ASIC2: variants seen among roughly 807,000 people sequenced by gnomAD.
The protein encoded by ASIC2 is acid-sensing ion channel 2.
A neutral mutation model predicts 57.3 loss-of-function variants in ASIC2; 25 were observed. The observed-to-expected ratio is 0.44, with a 90% confidence interval of 0.32 to 0.61. ASIC2 has a LOEUF of 0.61. Among genes scored for constraint, ASIC2 ranks in the 20% least tolerant of loss-of-function variants. The pLI is 0.06. For synonymous variants in ASIC2, 319 were observed against 307.5 expected (o/e 1.04, Z -0.39); for missense variants, 641 against 738.1 (o/e 0.87, Z 1.52).
In ASIC2 at chr17:33,404,350, G is replaced by A. The variant is rs79402150; in HGVS notation, c.556-292283C>T. On this transcript the variant is annotated intron_variant, in intron 1 of 9. Coordinates refer to the ASIC2 transcript ENST00000359872. ...ATGTAAATTGTATCTCAATAAAGCC[G>A]TCCAAAAAACAAACAAACAAATGAA... Among the ~76,000 whole-genome samples, 1,081 of 152,206 alleles carry A rather than the reference G, an allele frequency of 7.1e-3. 8 individuals carry two copies. The highest frequency in any genetic ancestry group is 0.011 in the Non-Finnish European group (753 of 68,018).
chr17:33,353,584 C>T (rs1191662774), intron 1 of ASIC2, among the ~76,000 whole-genome samples: 11 of 152,128 alleles, frequency 7.2e-5, no homozygotes, highest in Non-Finnish European at 1.5e-4. Context: ...AGTGATCCTC[C>T]TACCTCAGAC....
At chr17:33,068,145 G>T (rs1001032102) in intron 3 of ASIC2, among the ~76,000 whole-genome samples, 1 of 152,080 alleles carries the variant, frequency 6.6e-6, no homozygotes, top group African/African-American at 2.4e-5. Context: ...ACTGGACCTG[G>T]GGGGGTGGAA....
intron 1 of ASIC2, chr17:34,000,833 C>T (rs1164502752): frequency 1.3e-5 from 2 of 152,106 alleles, no homozygotes; most frequent in African/African-American, 2.4e-5. Context: ...CTCACTAAAT[C>T]TGCTTGATTG....
chr17:33,977,638 C>G (rs1305904678), intron 1 of ASIC2, among the ~76,000 whole-genome samples: 1 of 152,204 alleles, frequency 6.6e-6, no homozygotes, highest in Non-Finnish European at 1.5e-5. Flanking sequence ...CTTTCAGGCC[C>G]TCTCCTAAGA....
chr17:33,348,680 T>C (rs902748260), intron 1 of ASIC2, among the ~76,000 whole-genome samples: 1 of 151,980 alleles, frequency 6.6e-6, no homozygotes, highest in African/African-American at 2.4e-5. Context: ...GCATGGGATG[T>C]AGTGGGGATC....
intron 1 of ASIC2, among the ~76,000 whole-genome samples, chr17:33,594,223 A>G (rs898289332): frequency 6.6e-6 from 1 of 152,206 alleles, no homozygotes; most frequent in African/African-American, 2.4e-5. Context: ...CATCTATCAG[A>G]TGGCTGACTC....
At chr17:33,796,633 C>A (rs1383578611) in intron 1 of ASIC2, among the ~76,000 whole-genome samples, 1 of 152,196 alleles carries the variant, frequency 6.6e-6, no homozygotes, top group Non-Finnish European at 1.5e-5. Flanking sequence ...CTCACACATA[C>A]ATTTCCAAGA....
chr17:33,174,094 C>A (rs1227042583), intron 1 of ASIC2, among the ~76,000 whole-genome samples: 2 of 152,122 alleles, frequency 1.3e-5, no homozygotes, highest in African/African-American at 4.8e-5. Context: ...TCCCTGGAAC[C>A]ACTCATTTAG....
At chr17:34,099,458 G>GAAAGA (rs1224729177) in intron 1 of ASIC2, among the ~76,000 whole-genome samples, 2 of 26,602 alleles carry the variant, frequency 7.5e-5, no homozygotes, top group Non-Finnish European at 3.3e-4. Context: ...AGAAAGAAAA[G>GAAAGA]AAAGAAAGAG....
chr17:33,946,255 T>C (rs528357358), intron 1 of ASIC2, among the ~76,000 whole-genome samples: 6 of 152,346 alleles, frequency 3.9e-5, no homozygotes, highest in Non-Finnish European at 5.9e-5. Flanking sequence ...CTGTCCATCT[T>C]TTGAGAATCC....
chr17:33,891,722 C>A (rs1054806037), intron 1 of ASIC2, among the ~76,000 whole-genome samples: 2 of 152,194 alleles, frequency 1.3e-5, no homozygotes, highest in African/African-American at 2.4e-5. Context: ...TGTGCAAACA[C>A]TAATCCTACT....
intron 3 of ASIC2, among the ~76,000 whole-genome samples, chr17:33,067,373 A>C (rs903629896): frequency 6.6e-6 from 1 of 152,170 alleles, no homozygotes; most frequent in African/African-American, 2.4e-5. Context: ...GGATTTGTAT[A>C]TGAGTAGCTA....
intron 1 of ASIC2, among the ~76,000 whole-genome samples, chr17:33,126,181 C>T (rs2092322333): frequency 6.6e-6 from 1 of 152,164 alleles, no homozygotes; most frequent in South Asian, 2.1e-4. Flanking sequence ...AGAGGCATCA[C>T]GGACTCGTGA....
chr17:34,049,036 A>G (rs972316792), intron 1 of ASIC2, among the ~76,000 whole-genome samples: 2 of 152,184 alleles, frequency 1.3e-5, no homozygotes, highest in African/African-American at 4.8e-5. Context: ...AGTAGCTCAC[A>G]TCTGTAATCC....
At chr17:33,862,573 T>C (rs1914126253) in intron 1 of ASIC2, among the ~76,000 whole-genome samples, 1 of 152,174 alleles carries the variant, frequency 6.6e-6, no homozygotes, top group Non-Finnish European at 1.5e-5. Context: ...CCAGGTAAAA[T>C]AGCTAGTCAA....
chr17:33,447,912 C>CAAAAAAAAAAAAAAAAAAAA (rs34092157), intron 1 of ASIC2, among the ~76,000 whole-genome samples: 2 of 73,082 alleles, frequency 2.7e-5, no homozygotes, highest in African/African-American at 4.7e-5. Flanking sequence ...GACTCAGTCT[C>CAAAAAAAAAAAAAAAAAAAA]AAAAAAAAAA....
At chr17:34,048,446 G>C (rs190373180) in intron 1 of ASIC2, among the ~76,000 whole-genome samples, 66 of 152,268 alleles carry the variant, frequency 4.3e-4, no homozygotes, top group Non-Finnish European at 8.1e-4. Flanking sequence ...ATGAATCCTA[G>C]ATGCTCAACA....
intron 1 of ASIC2, among the ~76,000 whole-genome samples, chr17:33,143,434 C>T (rs1904411861): frequency 6.6e-6 from 1 of 152,146 alleles, no homozygotes; most frequent in Non-Finnish European, 1.5e-5. Flanking sequence ...TGCCAGGTAC[C>T]ATGAGAGTTG....
chr17:33,905,987 A>G (rs1179843967), intron 1 of ASIC2, among the ~76,000 whole-genome samples: 1 of 150,114 alleles, frequency 6.7e-6, no homozygotes, highest in Non-Finnish European at 1.5e-5. Flanking sequence ...CTGGCTGCCC[A>G]GCTAATATTT....
Sources: gnomAD v4.1 joint callset for allele counts (sites outside exome capture counted in the v4.1 genomes callset) on GRCh38, gnomAD v4.1.1 for gene constraint, MANE v1.5 for transcripts, NCBI Gene and HGNC (gene_info 2026-07-23, HGNC 2026-07-21) for gene names.